NKAIN2: variants seen among roughly 807,000 people sequenced by gnomAD.
The protein encoded by NKAIN2 is sodium/potassium-transporting ATPase subunit beta-1-interacting protein 2.
In NKAIN2, 14 loss-of-function variants were observed where a neutral mutation model predicts 32.6. The observed-to-expected ratio is 0.43, with a 90% confidence interval of 0.28 to 0.67. NKAIN2 has a LOEUF of 0.67. NKAIN2 is among the 30% of genes least tolerant of loss of function. The pLI is 0.17. For synonymous variants in NKAIN2, 80 were observed against 87.2 expected (o/e 0.92, Z 0.46); for missense variants, 198 against 258.3 (o/e 0.77, Z 1.60).
intron 1 of NKAIN2, among the ~76,000 whole-genome samples, chr6:124,137,080 T>C (rs919511260): frequency 6.6e-6 from 1 of 152,076 alleles, no homozygotes; most frequent in African/African-American, 2.4e-5. Context: ...TGTCACTGTT[T>C]GCTGATATTA....
intron 1 of NKAIN2, among the ~76,000 whole-genome samples, chr6:124,156,317 C>G (rs556306844): frequency 2.6e-5 from 4 of 152,072 alleles, no homozygotes; most frequent in Non-Finnish European, 4.4e-5. Context: ...CGATGATTCA[C>G]GCATGTGTAG....
intron 1 of NKAIN2, among the ~76,000 whole-genome samples, chr6:124,059,042 C>T (rs1222013346): frequency 1.3e-5 from 2 of 151,922 alleles, no homozygotes; most frequent in Non-Finnish European, 2.9e-5. Context: ...GGTTTGATCA[C>T]CCTCCATATA....
intron 1 of NKAIN2, among the ~76,000 whole-genome samples, chr6:124,051,207 C>G (rs1244869174): frequency 2.0e-5 from 3 of 151,908 alleles, no homozygotes. Context: ...TTAAACTTCC[C>G]CTTAGAGCCT....
chr6:124,770,464 T>C (rs1390359945), intron 4 of NKAIN2, among the ~76,000 whole-genome samples: 1 of 152,170 alleles, frequency 6.6e-6, no homozygotes, highest in Non-Finnish European at 1.5e-5. Context: ...TCAAATCCCA[T>C]TTCCATTTCC....
intron 1 of NKAIN2, among the ~76,000 whole-genome samples, chr6:124,050,189 T>A (rs1462997925): frequency 6.6e-6 from 1 of 152,024 alleles, no homozygotes; most frequent in African/African-American, 2.4e-5. Flanking sequence ...AGTGAAATGT[T>A]TACCTTGACC....
intron 4 of NKAIN2, among the ~76,000 whole-genome samples, chr6:124,687,366 TACAC>T (rs202071762): frequency 6.0e-5 from 8 of 132,780 alleles, no homozygotes; most frequent in African/African-American, 2.2e-4. Context: ...ATTCCATACA[TACAC>T]ATACATGGAA....
chr6:123,920,879 C>T (rs960182195), intron 1 of NKAIN2, among the ~76,000 whole-genome samples: 9 of 152,136 alleles, frequency 5.9e-5, no homozygotes, highest in African/African-American at 2.2e-4. Context: ...AGATGTCAGA[C>T]AAGAATACGT....
In NKAIN2 at chr6:124,225,628, A is replaced by C. The variant is rs114132611; in HGVS notation, c.55-57377A>C. 8.2e-3 allele frequency among the ~76,000 whole-genome samples: 1,254 copies of C among 152,110 alleles called. 13 individuals carry two copies. The highest frequency in any genetic ancestry group is 0.027 in the African/African-American group (1,113 of 41,536). On this transcript the variant is annotated intron_variant, in intron 1 of 6. Coordinates refer to ENST00000368417, the MANE Select transcript of NKAIN2 (RefSeq NM_001040214.3). ...TCAAGAGTCATAATATTGTGTTCAA[A>C]ATAAAATTAAATATGGAAAAATATG...
At chr6:123,866,983 TATTTA>T in intron 1 of NKAIN2, among the ~76,000 whole-genome samples, 1 of 152,320 alleles carries the variant, frequency 6.6e-6, no homozygotes, top group Non-Finnish European at 1.5e-5. Context: ...AACTGTGCCT[TATTTA>T]ATTAATGCTG....
intron 4 of NKAIN2, among the ~76,000 whole-genome samples, chr6:124,733,413 A>G (rs1330744197): frequency 6.6e-6 from 1 of 151,926 alleles, no homozygotes; most frequent in Non-Finnish European, 1.5e-5. Context: ...CAACTTAACT[A>G]AAGAGAGTGA....
chr6:123,890,333 A>G (rs1773944207), intron 1 of NKAIN2, among the ~76,000 whole-genome samples: 2 of 151,680 alleles, frequency 1.3e-5, no homozygotes, highest in South Asian at 2.1e-4. Context: ...CACATTCTCT[A>G]TTTATAGTAG....
intron 1 of NKAIN2, among the ~76,000 whole-genome samples, chr6:123,837,808 T>G (rs572273767): frequency 3.3e-4 from 51 of 152,270 alleles, no homozygotes; most frequent in African/African-American, 1.2e-3. Flanking sequence ...TCATTTCTGT[T>G]TTACTGTGGA....
chr6:124,783,453 GGT>G (rs1373300026), intron 4 of NKAIN2, among the ~76,000 whole-genome samples: 2 of 152,118 alleles, frequency 1.3e-5, no homozygotes, highest in African/African-American at 4.8e-5. Flanking sequence ...CCTAAAGGCT[GGT>G]ATTAAGATAT....
intron 4 of NKAIN2, among the ~76,000 whole-genome samples, chr6:124,772,611 T>TC (rs1285783465): frequency 1.3e-5 from 2 of 152,164 alleles, no homozygotes; most frequent in African/African-American, 4.8e-5. Flanking sequence ...AAATCTGGCT[T>TC]CCCCACCTCC....
chr6:124,511,482 C>T (rs181425906), intron 3 of NKAIN2, among the ~76,000 whole-genome samples: 302 of 152,160 alleles, frequency 2.0e-3, no homozygotes, highest in African/African-American at 7.0e-3. Context: ...AAAATTATTC[C>T]CTTTATCGAG....
chr6:124,208,953 T>G (rs1791034871), intron 1 of NKAIN2, among the ~76,000 whole-genome samples: 2 of 151,700 alleles, frequency 1.3e-5, no homozygotes, highest in Non-Finnish European at 2.9e-5. Flanking sequence ...TATTTATCAT[T>G]TATTTGTATT....
At chr6:124,091,058 T>G (rs1784396629) in intron 1 of NKAIN2, among the ~76,000 whole-genome samples, 1 of 151,998 alleles carries the variant, frequency 6.6e-6, no homozygotes. Flanking sequence ...TGGACATTAG[T>G]ATAGCACATT....
chr6:124,555,599 C>T (rs1780444838), intron 3 of NKAIN2, among the ~76,000 whole-genome samples: 1 of 152,110 alleles, frequency 6.6e-6, no homozygotes, highest in Non-Finnish European at 1.5e-5. Flanking sequence ...GTTTTGTATA[C>T]CCAACTCTTA....
At chr6:123,839,406 G>A (rs1169556473) in intron 1 of NKAIN2, among the ~76,000 whole-genome samples, 2 of 151,946 alleles carry the variant, frequency 1.3e-5, no homozygotes. Context: ...AATGTGATTA[G>A]CAGACAATCT....
Sources: gnomAD v4.1 joint callset for allele counts (sites outside exome capture counted in the v4.1 genomes callset) on GRCh38, gnomAD v4.1.1 for gene constraint, MANE v1.5 for transcripts, NCBI Gene and HGNC (gene_info 2026-07-23, HGNC 2026-07-21) for gene names.